Variants in WDPCP observed in about 807,000 individuals in gnomAD.
WDPCP encodes WD repeat containing planar cell polarity effector, also known as WD repeat-containing and planar cell polarity effector protein fritz homolog.
In WDPCP, 71 loss-of-function variants were observed where a neutral mutation model predicts 93.1. The observed-to-expected ratio is 0.76, with a 90% CI of 0.63 to 0.93. WDPCP has a LOEUF of 0.93. WDPCP is among the 40% of genes least tolerant of loss of function. WDPCP has a pLI of 0.00. For missense variants in WDPCP, 844 were observed against 887.4 expected, an observed-to-expected ratio of 0.95 and a Z score of 0.62; for synonymous variants, 315 against 315.0, an observed-to-expected ratio of 1.00 and a Z score of 0.00.
Position 63,807,043 on chromosome 2 carries a change from A to T in WDPCP, n.308+6579T>A, listed in dbSNP as rs369548878. On this transcript the variant is annotated intron_variant and non_coding_transcript_variant, in intron 2 of 4. Transcript: ENST00000467687. ...CACAAGGGTATTGATTGGGGAAGTG[A>T]TAAGTGTCCATGAAATCTGTACAAT... Among the ~76,000 whole-genome samples, 13 of 152,360 alleles carry T rather than the reference A, an allele frequency of 8.5e-5. No homozygotes were observed. The East Asian group carries it at 1.9e-3, about 23-fold the overall frequency.
chr2:63,125,862 T>C (rs1381994935), intron 17 of WDPCP, among the ~76,000 whole-genome samples: 1 of 151,948 alleles, frequency 6.6e-6, no homozygotes, highest in Non-Finnish European at 1.5e-5. Context: ...CTCCCCACCT[T>C]GGCCTCCCAA....
chr2:63,347,170 T>C (rs768856698), intron 12 of WDPCP, among the ~76,000 whole-genome samples: 2 of 152,202 alleles, frequency 1.3e-5, no homozygotes, highest in Non-Finnish European at 2.9e-5. Flanking sequence ...TCATTTAATC[T>C]TGACAACAGC....
chr2:63,438,146 A>G, intron 7 of WDPCP: 1 of 512,912 alleles, frequency 1.9e-6, no homozygotes, highest in Non-Finnish European at 2.8e-6. Context: ...CAAAGCACAC[A>G]AGTAGGTAAA....
At chr2:63,192,290 AAC>A (rs1408553890) in intron 14 of WDPCP, among the ~76,000 whole-genome samples, 1 of 152,184 alleles carries the variant, frequency 6.6e-6, no homozygotes, top group African/African-American at 2.4e-5. Context: ...TCATTTGTTC[AAC>A]AAAAGTGCTA....
At chr2:63,408,918 C>T (rs541458089) in intron 9 of WDPCP, among the ~76,000 whole-genome samples, 1 of 152,114 alleles carries the variant, frequency 6.6e-6, no homozygotes, top group Admixed American at 6.5e-5. Flanking sequence ...AGTCTGAGCT[C>T]AGACACACCT....
chr2:63,481,982 A>T lies in WDPCP; in HGVS notation c.384+2622T>A, dbSNP rs75295417. On this transcript the variant is annotated intron_variant, in intron 6 of 17. Transcript: ENST00000272321. ...TAAAATAAACTACTATCCTCCAAAA[A>T]AAAAGAAAGAAAATAATTCTGAATT... Among the ~76,000 whole-genome samples the T allele has an allele frequency of 4.1e-3, 621 of 152,168 alleles. 5 individuals carry two copies. Among genetic ancestry groups the T allele is most frequent in the African/African-American group, 0.014 (583 of 41,564 alleles).
intron 14 of WDPCP, among the ~76,000 whole-genome samples, chr2:63,250,874 T>G (rs910486412): frequency 2.0e-5 from 3 of 152,200 alleles, no homozygotes; most frequent in African/African-American, 4.8e-5. Flanking sequence ...ACTATATCCA[T>G]AGAAAACTGA....
chr2:63,285,485 A>C (rs1229505536), intron 13 of WDPCP, among the ~76,000 whole-genome samples: 1 of 151,912 alleles, frequency 6.6e-6, no homozygotes, highest in African/African-American at 2.4e-5. Context: ...TTATTGTACT[A>C]GATGAAAAAG....
intron 2 of WDPCP, among the ~76,000 whole-genome samples, chr2:63,809,674 G>A (rs1451709256): frequency 6.6e-6 from 1 of 151,784 alleles, no homozygotes; most frequent in East Asian, 1.9e-4. Flanking sequence ...GATTAAGGGC[G>A]GTGCAAGATG....
At chr2:63,533,279 C>T (rs1399260588) in intron 1 of WDPCP, among the ~76,000 whole-genome samples, 1 of 151,980 alleles carries the variant, frequency 6.6e-6, no homozygotes, top group African/African-American at 2.4e-5. Flanking sequence ...AACACCTCAC[C>T]ATCAATATTA....
At chr2:63,131,386 G>A (rs934752189) in intron 17 of WDPCP, among the ~76,000 whole-genome samples, 1 of 151,450 alleles carries the variant, frequency 6.6e-6, no homozygotes, top group Non-Finnish European at 1.5e-5. Flanking sequence ...GGCTAGCATT[G>A]TGATTACGTA....
chr2:63,521,646 G>A (rs1702942781), intron 1 of WDPCP, among the ~76,000 whole-genome samples: 1 of 151,962 alleles, frequency 6.6e-6, no homozygotes, highest in Non-Finnish European at 1.5e-5. Flanking sequence ...AAGATATTTG[G>A]GACCTGAACT....
chr2:63,749,603 C>T (rs1000456162), intron 2 of WDPCP, among the ~76,000 whole-genome samples: 3 of 152,038 alleles, frequency 2.0e-5, no homozygotes, highest in Non-Finnish European at 4.4e-5. Context: ...CTAATGTAGG[C>T]GTTTTAGCAC....
At chr2:63,148,665 T>C (rs921008962) in intron 17 of WDPCP, among the ~76,000 whole-genome samples, 3 of 151,446 alleles carry the variant, frequency 2.0e-5, no homozygotes, top group Non-Finnish European at 2.9e-5. Context: ...AAAAAAAAAG[T>C]ATTTTCTTTT....
At chr2:63,576,717 C>T (rs563111491) in intron 1 of WDPCP, among the ~76,000 whole-genome samples, 39 of 152,274 alleles carry the variant, frequency 2.6e-4, no homozygotes, top group Admixed American at 1.0e-3. Context: ...GGCAACCAGC[C>T]CCCCAATCCT....
At chr2:63,452,725 G>C (rs886462124) in intron 6 of WDPCP, among the ~76,000 whole-genome samples, 2 of 152,128 alleles carry the variant, frequency 1.3e-5, no homozygotes, top group African/African-American at 4.8e-5. Context: ...AAACAGTATG[G>C]TACTGGTACC....
In WDPCP at chr2:63,622,878, G is replaced by A. The variant is rs1709762344; in HGVS notation, n.488+27781C>T. 1.3e-5 allele frequency: 20 copies of A among 1,501,892 alleles called. No homozygotes were observed. In the South Asian group the frequency reaches 1.5e-4, roughly 11 times the overall value. The allele number at this position is 1,501,892 out of a possible 1,614,324, so 93.0% of individuals were successfully genotyped here. A position where few individuals can be genotyped will look rare whatever the true frequency, so the allele number is the denominator to read the frequency against. ...AGCACCCGCGCAGCATCAGGGGTGC[G>A]GAGCCTGGGAGGCACGCGGGGGCCG... is the stretch of plus-strand genomic sequence containing the variant. On this transcript the variant is annotated intron_variant and non_coding_transcript_variant, in intron 3 of 4. Transcript: ENST00000467687.
Position 63,296,210 on chromosome 2 carries a change from C to CAAA in WDPCP, c.1812+17035_1812+17037dup, listed in dbSNP as rs70965117. Among the ~76,000 whole-genome samples, 30 of 141,456 alleles carry CAAA rather than the reference C, an allele frequency of 2.1e-4. 1 individual carries two copies. Among genetic ancestry groups the CAAA allele is most frequent in the African/African-American group, 4.4e-4 (17 of 38,370 alleles). The allele number at this position is 141,456 out of a possible 152,430, so 92.8% of individuals were successfully genotyped here. A position where few individuals can be genotyped will look rare whatever the true frequency, so the allele number is the denominator to read the frequency against. On this transcript the variant is annotated intron_variant, in intron 13 of 17. Transcript: ENST00000272321. ...AACCATATGATCATCTCAGTAGATGCAAAAAAAAAAAAAGCATTTGATAAA... is the reference window on the plus strand; with the variant it reads ...AACCATATGATCATCTCAGTAGATGCAAAAAAAAAAAAAAAAGCATTTGATAAA...
chr2:63,711,690 G>A (rs1001854259), intron 2 of WDPCP: 2 of 152,280 alleles, frequency 1.3e-5, no homozygotes, highest in African/African-American at 4.8e-5. Flanking sequence ...GAGCTCAGAA[G>A]GTCGAGGCTG....
Sources: gnomAD v4.1 joint callset for allele counts (sites outside exome capture counted in the v4.1 genomes callset) on GRCh38, gnomAD v4.1.1 for gene constraint, MANE v1.5 for transcripts, NCBI Gene and HGNC (gene_info 2026-07-23, HGNC 2026-07-21) for gene names.